Variants in HMX1 observed in about 807,000 individuals in gnomAD.
HMX1 encodes the protein homeobox protein HMX1.
Under a neutral mutation model 8.9 loss-of-function variants are expected in HMX1, and 8 were observed. The ratio of observed to expected loss-of-function variants is 0.90; its 90% CI spans 0.53 to 1.63. The LOEUF (loss-of-function observed/expected upper bound fraction) is 1.63, where lower values mean the gene tolerates loss of function less well. Among genes scored for constraint, HMX1 ranks in the 40% most tolerant of loss-of-function variants. HMX1 has a pLI of 0.00. For missense variants in HMX1, 621 were observed against 558.5 expected (o/e 1.11, Z -1.13); for synonymous variants, 311 against 283.4 (o/e 1.10, Z -0.98).
Position 8,867,715 on chromosome 4 carries a change from G to A in HMX1, c.1025C>T (p.Ala342Val), listed in dbSNP as rs550799914. ...PAAASVPFLR[A>V]QMPGLV ...GGCTCACACCAGGCCAGGCATCTGC[G>A]CCCGCAGAAAGGGCACGGAGGCGGC... The change falls in exon 2 of 2, where the codon GCG becomes GTG. Residue 342 changes from alanine to valine, a missense_variant. By Grantham distance (64) the Ala-to-Val change is moderately conservative. Coordinates refer to ENST00000400677, the MANE Select transcript of HMX1 (RefSeq NM_018942.3). 2 of 1,277,616 alleles carry A rather than the reference G, an allele frequency of 1.6e-6. No individual in the cohort carries two copies. Among genetic ancestry groups the A allele is most frequent in the South Asian group, 2.9e-5 (1 of 34,206 alleles). The allele number at this position is 1,277,616 out of a possible 1,614,324, so 79.1% of individuals were successfully genotyped here.
chr4:8,866,398 C>T (rs905033944), downstream of HMX1, among the ~76,000 whole-genome samples: 2 of 152,252 alleles, frequency 1.3e-5, no homozygotes, highest in East Asian at 1.9e-4. Context: ...ACATATTTCT[C>T]CTAGGCTGAA....
intron 1 of HMX1, among the ~76,000 whole-genome samples, chr4:8,852,359 G>T (rs899713317): frequency 1.3e-5 from 2 of 152,246 alleles, no homozygotes; most frequent in African/African-American, 4.8e-5. Flanking sequence ...CGGAGCAGCT[G>T]TAACGACCTT....
intron 1 of HMX1, chr4:8,859,201 G>A (rs138721869): frequency 0.064 from 9,438 of 148,476 alleles, 879 homozygotes; most frequent in African/African-American, 0.22. Context: ...CCCCCCCCAC[G>A]CCTCTTGACA....
chr4:8,860,180 G>C (rs1054048404), intron 1 of HMX1, among the ~76,000 whole-genome samples: 1 of 152,242 alleles, frequency 6.6e-6, no homozygotes, highest in Non-Finnish European at 1.5e-5. Flanking sequence ...GCCCCAGTGA[G>C]AGCATGACTG....
chr4:8,868,851 C>T lies in HMX1; in HGVS notation c.395-506G>A, dbSNP rs961117866. ...CTGGCATCCAGCCCCACGCCAAGCTCCCCAGAAGGAGGAATGAAGAGTTCA... is the reference window on the plus strand; with the variant it reads ...CTGGCATCCAGCCCCACGCCAAGCTTCCCAGAAGGAGGAATGAAGAGTTCA... On this transcript the variant is annotated intron_variant, in intron 1 of 1. Coordinates refer to ENST00000400677, the MANE Select transcript of HMX1 (RefSeq NM_018942.3). This position sits in a 1 kb window ranked among gnomAD's most constrained non-coding sequence, Gnocchi z 4.6. Among the ~76,000 whole-genome samples, 5 of 152,136 alleles carry T rather than the reference C, an allele frequency of 3.3e-5. No individual in the cohort carries two copies. Among genetic ancestry groups the T allele is most frequent in the African/African-American group, 1.2e-4 (5 of 41,430 alleles).
At chr4:8,862,476 T>G (rs913527755), downstream of HMX1, among the ~76,000 whole-genome samples, 2 of 152,268 alleles carry the variant, frequency 1.3e-5, no homozygotes, top group African/African-American at 2.4e-5. Flanking sequence ...TCTTAAACCG[T>G]GACCAATCTA....
At chr4:8,864,272 A>G (rs1721920810), downstream of HMX1, among the ~76,000 whole-genome samples, 1 of 152,200 alleles carries the variant, frequency 6.6e-6, no homozygotes, top group African/African-American at 2.4e-5. Flanking sequence ...GATTACGGTC[A>G]TGGGGAAGTC....
intron 1 of HMX1, chr4:8,858,812 T>C (rs1307043789): frequency 1.3e-5 from 2 of 152,310 alleles, no homozygotes; most frequent in Non-Finnish European, 2.9e-5. Context: ...TCTCGGAGCA[T>C]CGTCACTGGG....
intron 1 of HMX1, among the ~76,000 whole-genome samples, chr4:8,854,713 T>C (rs568720546): frequency 3.9e-5 from 6 of 152,364 alleles, no homozygotes; most frequent in African/African-American, 1.4e-4. Flanking sequence ...TCTATCTAAC[T>C]ATTCTATTGA....
In HMX1 at chr4:8,867,759, C is replaced by G. The variant is rs1341154598; in HGVS notation, c.981G>C (p.Pro327=). 7.8e-6 allele frequency: 10 copies of G among 1,283,478 alleles called. No homozygotes were observed. The highest frequency in any genetic ancestry group is 9.8e-6 in the Non-Finnish European group (10 of 1,018,658). The allele number at this position is 1,283,478 out of a possible 1,614,324, so 79.5% of individuals were successfully genotyped here. Residue 327 remains proline, a synonymous_variant, in exon 2 of 2, where the codon CCG becomes CCC. Transcript: ENST00000400677. The part of the protein sequence containing the change: ...LLGFSGALAY[P]LAAFPAAASV... ...AGGCGGCGGCCGGGAAGGCGGCCAG[C>G]GGGTAGGCGAGGGCCCCGGAGAAGC...
At chr4:8,854,283 A>T (rs545952121) in intron 1 of HMX1, among the ~76,000 whole-genome samples, 21 of 152,374 alleles carry the variant, frequency 1.4e-4, no homozygotes, top group African/African-American at 4.6e-4. Context: ...ATCCCCCAGC[A>T]GGGCCTGGGC....
chr4:8,856,072 A>G (rs1721600069), intron 1 of HMX1, among the ~76,000 whole-genome samples: 1 of 152,182 alleles, frequency 6.6e-6, no homozygotes, highest in Non-Finnish European at 1.5e-5. Context: ...CTCATAGTGC[A>G]CGCCCAGCTG....
chr4:8,847,831 G>A lies in HMX1; in HGVS notation c.395-1507C>T, dbSNP rs1721322882. On this transcript the variant is annotated intron_variant, in intron 1 of 1. Coordinates refer to the HMX1 transcript ENST00000506970. The surrounding 1 kb of genome is among the most constrained non-coding windows in gnomAD (Gnocchi z 6.0). ...GGATTCAGAAACAGGGGAATGGGAAGGACAAGAAGAACCTCGGGGTTGGCT... is the reference window on the plus strand; with the variant it reads ...GGATTCAGAAACAGGGGAATGGGAAAGACAAGAAGAACCTCGGGGTTGGCT... Among the ~76,000 whole-genome samples, 1 of 152,198 alleles carries A rather than the reference G, an allele frequency of 6.6e-6. No homozygotes were observed. The highest frequency in any genetic ancestry group is 1.5e-5 in the Non-Finnish European group (1 of 68,036).
intron 1 of HMX1, among the ~76,000 whole-genome samples, chr4:8,857,253 C>A (rs569867414): frequency 6.6e-6 from 1 of 152,214 alleles, no homozygotes; most frequent in East Asian, 1.9e-4. Flanking sequence ...GGACGCCGTC[C>A]CCACTTCCTC....
chr4:8,855,125 C>T (rs919013637), intron 1 of HMX1, among the ~76,000 whole-genome samples: 1 of 152,262 alleles, frequency 6.6e-6, no homozygotes, highest in African/African-American at 2.4e-5. Flanking sequence ...GTCCCTCTCC[C>T]CCGTGGACTC....
At chr4:8,860,956 G>GGGGCGGGGGCGA (rs573029077) in intron 1 of HMX1, 26 of 151,392 alleles carry the variant, frequency 1.7e-4, no homozygotes, top group African/African-American at 4.6e-4. Context: ...GAGCCGGGCG[G>GGGGCGGGGGCGA]GGGCGGGGGC....
intron 1 of HMX1, among the ~76,000 whole-genome samples, chr4:8,859,510 C>G (rs1721725422): frequency 6.6e-6 from 1 of 152,162 alleles, no homozygotes; most frequent in South Asian, 2.1e-4. Context: ...CTCTCAGACC[C>G]CCATGTGGAG....
In HMX1 at chr4:8,867,759, C is replaced by A. The variant is rs1341154598; in HGVS notation, c.981G>T (p.Pro327=). 9 of 1,283,370 alleles carry A rather than the reference C, an allele frequency of 7.0e-6. No individual in the cohort carries two copies. The highest frequency in any genetic ancestry group is 8.8e-6 in the Non-Finnish European group (9 of 1,018,670). 79.5% of individuals were successfully genotyped at this position (1,283,370 alleles called of 1,614,324 possible). A position where few individuals can be genotyped will look rare whatever the true frequency, so the allele number is the denominator to read the frequency against. The change falls in exon 2 of 2, where the codon CCG becomes CCT. Residue 327 remains proline (P), a synonymous_variant. Coordinates refer to ENST00000400677, the MANE Select transcript of HMX1 (RefSeq NM_018942.3). ...LLGFSGALAY[P]LAAFPAAASV... is the part of the protein sequence containing the mutation. ...AGGCGGCGGCCGGGAAGGCGGCCAGCGGGTAGGCGAGGGCCCCGGAGAAGC... is the reference window on the plus strand; with the variant it reads ...AGGCGGCGGCCGGGAAGGCGGCCAGAGGGTAGGCGAGGGCCCCGGAGAAGC...
rs570976903 is a variant in HMX1 at position 8,867,234 on chromosome 4, C to G, written c.*459G>C. 3.0e-6 allele frequency: 3 copies of G among 985,788 alleles called. No individual in the cohort carries two copies. Among genetic ancestry groups the G allele is most frequent in the Non-Finnish European group, 3.6e-6 (3 of 830,136 alleles). The allele number at this position is 985,788 out of a possible 1,614,324, so 61.1% of individuals were successfully genotyped here. A position where few individuals can be genotyped will look rare whatever the true frequency, so the allele number is the denominator to read the frequency against. ...GAGAGGGGTAGCACAGCCCTCCGGG[C>G]CGGCCTGCTGTCTGGGTCCCAGGAA... is the stretch of plus-strand genomic sequence containing the variant. On this transcript the variant is annotated 3_prime_UTR_variant, in exon 2 of 2. Coordinates refer to ENST00000400677, the MANE Select transcript of HMX1 (RefSeq NM_018942.3).
Sources: gnomAD v4.1 joint callset for allele counts (sites outside exome capture counted in the v4.1 genomes callset) on GRCh38, gnomAD v4.1.1 for gene constraint, Gnocchi (gnomAD v3.1) non-coding constraint, MANE v1.5 for transcripts, NCBI Gene and HGNC (gene_info 2026-07-23, HGNC 2026-07-21) for gene names.